Variants in ADAMTS2 observed in about 807,000 individuals in gnomAD.
ADAMTS2 encodes ADAM metallopeptidase with thrombospondin type 1 motif 2.
In ADAMTS2, 50 loss-of-function variants were observed where a neutral mutation model predicts 123.0. The observed-to-expected ratio is 0.41, with a 90% confidence interval of 0.32 to 0.51. ADAMTS2 has a LOEUF of 0.51. ADAMTS2 is among the 20% of genes least tolerant of loss of function. The pLI, the probability that ADAMTS2 is intolerant of heterozygous loss-of-function variation, is 0.35. For missense variants in ADAMTS2, 1,494 were observed against 1,705.2 expected, an observed-to-expected ratio of 0.88 and a Z score of 2.18; for synonymous variants, 678 against 695.4, an observed-to-expected ratio of 0.98 and a Z score of 0.39.
intron 4 of ADAMTS2, among the ~76,000 whole-genome samples, chr5:179,203,212 C>T (rs1764606403): frequency 6.6e-6 from 1 of 152,234 alleles, no homozygotes; most frequent in Non-Finnish European, 1.5e-5. Context: ...ACCAGCTCCT[C>T]CTCCCAGGGC....
rs113658358 is a variant in ADAMTS2 at position 179,175,052 on chromosome 5, G to A, written c.975+6020C>T. On this transcript the variant is annotated intron_variant, in intron 5 of 21. Coordinates refer to ENST00000251582, the MANE Select transcript of ADAMTS2 (RefSeq NM_014244.5). The surrounding 1 kb of genome is among the most constrained non-coding windows in gnomAD (Gnocchi z 4.1). ...GCAGCTGTCTCAGCCATTCTTGACCGTTCATGTTCCTTTGGAGGAAGTCTC... is the reference window on the plus strand; with the variant it reads ...GCAGCTGTCTCAGCCATTCTTGACCATTCATGTTCCTTTGGAGGAAGTCTC... Among the ~76,000 whole-genome samples, 9 of 146,822 alleles carry A rather than the reference G, an allele frequency of 6.1e-5. No homozygotes were observed. In the East Asian group the frequency reaches 7.9e-4, roughly 13 times the overall value.
rs1012150635 is a variant in ADAMTS2, at chr5:179,118,430, C to A, written c.3178+3231G>T. Among the ~76,000 whole-genome samples, 1 of 152,112 alleles carries A rather than the reference C, an allele frequency of 6.6e-6. No homozygotes were observed. Among genetic ancestry groups the A allele is most frequent in the African/African-American group, 2.4e-5 (1 of 41,414 alleles). On this transcript the variant is annotated intron_variant, in intron 21 of 21. Transcript: ENST00000251582. The surrounding 1 kb of genome is among the most constrained non-coding windows in gnomAD (Gnocchi z 4.5). ...TTCCAGTAGCAATCAAGTAGTGAGA[C>A]CTATTGTCTTCCAGTGAATGACAAT...
chr5:179,291,730 A>ATATT (rs112260790), intron 2 of ADAMTS2, among the ~76,000 whole-genome samples: 2,222 of 151,532 alleles, frequency 0.015, 53 homozygotes, highest in African/African-American at 0.047. Flanking sequence ...GGTCCAAACG[A>ATATT]TATTTATTTA....
chr5:179,217,516 C>G (rs1461453935), intron 3 of ADAMTS2, among the ~76,000 whole-genome samples: 1 of 152,142 alleles, frequency 6.6e-6, no homozygotes, highest in Non-Finnish European at 1.5e-5. Context: ...TGACCTCATG[C>G]CTTAAGCAAA....
At chr5:179,330,823 G>T (rs1757460028) in intron 2 of ADAMTS2, among the ~76,000 whole-genome samples, 1 of 152,174 alleles carries the variant, frequency 6.6e-6, no homozygotes, top group Non-Finnish European at 1.5e-5. Context: ...CGCCCTATCT[G>T]AGGTGGAGGA....
rs573305055 is a variant in ADAMTS2 at position 179,194,796 on chromosome 5, C to T, written c.891+12717G>A. Among the ~76,000 whole-genome samples the T allele has an allele frequency of 2.0e-4, 30 of 152,132 alleles. 1 individual carries two copies. The highest frequency in any genetic ancestry group is 6.7e-4 in the African/African-American group (28 of 41,496). ...TGTGCCTCCTTGCACAGGGCCAGCA[C>T]GTGCAAAACCAGCAAATGTGAGTTC... On this transcript the variant is annotated intron_variant, in intron 4 of 21. Coordinates refer to ENST00000251582, the MANE Select transcript of ADAMTS2 (RefSeq NM_014244.5).
chr5:179,173,435 CAACA>C (rs1763867392), intron 5 of ADAMTS2, among the ~76,000 whole-genome samples: 1 of 152,078 alleles, frequency 6.6e-6, no homozygotes, highest in African/African-American at 2.4e-5. Flanking sequence ...GCTTTTCAAA[CAACA>C]AACAGCTTTA....
intron 3 of ADAMTS2, among the ~76,000 whole-genome samples, chr5:179,246,046 C>G (rs1404866486): frequency 6.6e-6 from 1 of 152,084 alleles, no homozygotes; most frequent in African/African-American, 2.4e-5. Context: ...CTACAACAAC[C>G]AGGGAATGCT....
intron 11 of ADAMTS2, among the ~76,000 whole-genome samples, chr5:179,138,207 A>T (rs1763099374): frequency 6.6e-6 from 1 of 152,164 alleles, no homozygotes; most frequent in Admixed American, 6.5e-5. Flanking sequence ...GTGGGGAGGC[A>T]GCATCTGCTC....
intron 21 of ADAMTS2, chr5:179,121,242 T>TCGGCGGCAGCAGCGACGG (rs1762754405): frequency 6.5e-6 from 1 of 154,274 alleles, no homozygotes; most frequent in South Asian, 2.0e-4. Flanking sequence ...CAGCAAAGGG[T>TCGGCGGCAGCAGCGACGG]CGGCGGCAGC....
In ADAMTS2 at chr5:179,345,329, G is replaced by T; in HGVS notation, c.-1C>A. Reference sequence around the variant, plus strand: ...GAGCGGCTCCCGCCGGCGGATCCATGGCAGCCGGACTGCAGCCGGGGCCCC... The same window carrying T: ...GAGCGGCTCCCGCCGGCGGATCCATTGCAGCCGGACTGCAGCCGGGGCCCC... On this transcript the variant is annotated 5_prime_UTR_variant, in exon 1 of 22. Transcript: ENST00000251582. The surrounding 1 kb of genome is among the most constrained non-coding windows in gnomAD (Gnocchi z 7.5). 8.8e-7 allele frequency: 1 copy of T among 1,134,618 alleles called. No homozygotes were observed. The highest frequency in any genetic ancestry group is 1.1e-6 in the Non-Finnish European group (1 of 926,024). The allele number at this position is 1,134,618 out of a possible 1,614,324, so 70.3% of individuals were successfully genotyped here. A position where few individuals can be genotyped will look rare whatever the true frequency, so the allele number is the denominator to read the frequency against.
rs1411308458 is a variant in ADAMTS2 at position 179,303,766 on chromosome 5, G to C, written c.535-30702C>G. ...AGTGCTGTGGTCCTAGAAAGGTGGA[G>C]TGAAACCCCATTGCTCTTTCCTCTT... On this transcript the variant is annotated intron_variant, in intron 2 of 21. Transcript: ENST00000251582. The surrounding 1 kb of genome is among the most constrained non-coding windows in gnomAD (Gnocchi z 4.7). Among the ~76,000 whole-genome samples the C allele has an allele frequency of 6.6e-6, 1 of 152,218 alleles. No individual in the cohort carries two copies. Among genetic ancestry groups the C allele is most frequent in the South Asian group, 2.1e-4 (1 of 4,828 alleles).
chr5:179,154,585 C>T (rs964264731), intron 7 of ADAMTS2, among the ~76,000 whole-genome samples: 1 of 152,208 alleles, frequency 6.6e-6, no homozygotes, highest in Non-Finnish European at 1.5e-5. Flanking sequence ...TCTAGCTGGC[C>T]CAGAGCGCCT....
rs1765163588 is a variant in ADAMTS2 at position 179,223,120 on chromosome 5, GCTAA to G, written c.689-15409_689-15406del. Among the ~76,000 whole-genome samples the G allele has an allele frequency of 5.3e-5, 8 of 152,316 alleles. No homozygotes were observed. In the South Asian group the frequency reaches 1.7e-3, roughly 32 times the overall value. ...TGTTCATTCACTCGTCAAGTATTTTGCTAACTACCATTTGCCAGCCTTGCGTGGC... is the reference window on the plus strand; with the variant it reads ...TGTTCATTCACTCGTCAAGTATTTTGCTACCATTTGCCAGCCTTGCGTGGC... On this transcript the variant is annotated intron_variant, in intron 3 of 21. Transcript: ENST00000251582.
At chr5:179,171,631 C>T (rs1023187319) in intron 5 of ADAMTS2, among the ~76,000 whole-genome samples, 4 of 152,166 alleles carry the variant, frequency 2.6e-5, no homozygotes, top group Non-Finnish European at 5.9e-5. Context: ...TGGGCACTGG[C>T]GTCCCCTACC....
chr5:179,307,429 G>T lies in ADAMTS2; in HGVS notation c.535-34365C>A, dbSNP rs1241194478. 1.3e-5 allele frequency among the ~76,000 whole-genome samples: 2 copies of T among 152,110 alleles called. No individual in the cohort carries two copies. Among genetic ancestry groups the T allele is most frequent in the Non-Finnish European group, 2.9e-5 (2 of 68,010 alleles). On this transcript the variant is annotated intron_variant, in intron 2 of 21. Coordinates refer to ENST00000251582, the MANE Select transcript of ADAMTS2 (RefSeq NM_014244.5). This position sits in a 1 kb window ranked among gnomAD's most constrained non-coding sequence, Gnocchi z 5.6. ...CATGAGCATTCAACAGCCCGGTCCG[G>T]GGGGCACCACCACGCAGGGGCTTCC...
At position 179,181,003 on chromosome 5, in the gene ADAMTS2, C is replaced by T; in HGVS notation, c.975+69G>A. On this transcript the variant is annotated intron_variant, in intron 5 of 21. Transcript: ENST00000251582. This position sits in a 1 kb window ranked among gnomAD's most constrained non-coding sequence, Gnocchi z 4.1. ...AACGCACACACTCTCCAAGGAGGCC[C>T]ATGCCTCACTCCCAGGCCCCTCACT... 1 of 1,228,406 alleles carries T rather than the reference C, an allele frequency of 8.1e-7. No homozygotes were observed. Among genetic ancestry groups the T allele is most frequent in the Non-Finnish European group, 1.2e-6 (1 of 831,888 alleles). The allele number at this position is 1,228,406 out of a possible 1,614,324, so 76.1% of individuals were successfully genotyped here. A position where few individuals can be genotyped will look rare whatever the true frequency, so the allele number is the denominator to read the frequency against.
rs977557894 is a variant in ADAMTS2 at position 179,117,943 on chromosome 5, T to C, written c.3179-3619A>G. ...CCAAAATATTGACTACCTGGCCCTT[T>C]ACAGAAAAGGTTGACTGATCGTGGG... is the stretch of plus-strand genomic sequence containing the variant. On this transcript the variant is annotated intron_variant, in intron 21 of 21. Coordinates refer to ENST00000251582, the MANE Select transcript of ADAMTS2 (RefSeq NM_014244.5). This position sits in a 1 kb window ranked among gnomAD's most constrained non-coding sequence, Gnocchi z 4.2. 1.3e-5 allele frequency among the ~76,000 whole-genome samples: 2 copies of C among 152,140 alleles called. No individual in the cohort carries two copies. Among genetic ancestry groups the C allele is most frequent in the African/African-American group, 4.8e-5 (2 of 41,438 alleles).
intron 3 of ADAMTS2, among the ~76,000 whole-genome samples, chr5:179,238,486 G>A (rs1169233099): frequency 1.3e-5 from 2 of 152,134 alleles, no homozygotes; most frequent in African/African-American, 4.8e-5. Flanking sequence ...CGAGTGCCAG[G>A]GCAGGTGGTG....
Sources: gnomAD v4.1 joint callset for allele counts (sites outside exome capture counted in the v4.1 genomes callset) on GRCh38, gnomAD v4.1.1 for gene constraint, Gnocchi (gnomAD v3.1) non-coding constraint, MANE v1.5 for transcripts, NCBI Gene and HGNC (gene_info 2026-07-23, HGNC 2026-07-21) for gene names.